The following RNF38 variants were observed in gnomAD, a reference collection of about 807,000 sequenced individuals.
RNF38 encodes ring finger protein 38.
A neutral mutation model predicts 67.2 loss-of-function variants in RNF38; 15 were observed. The observed-to-expected ratio is 0.22, with a 90% CI of 0.15 to 0.34. RNF38 has a LOEUF of 0.34. RNF38 is among the 10% of genes least tolerant of loss of function. RNF38 has a pLI of 1.00. For synonymous variants in RNF38, 220 were observed against 218.8 expected (o/e 1.01, Z -0.05); for missense variants, 524 against 639.9 (o/e 0.82, Z 1.95).
chr9:36,469,505 C>CA (rs1839946803), intron 1 of RNF38, among the ~76,000 whole-genome samples: 1 of 150,648 alleles, frequency 6.6e-6, no homozygotes, highest in African/African-American at 2.4e-5. Flanking sequence ...ACTAAAAATA[C>CA]AAAAAATTAG....
intron 1 of RNF38, among the ~76,000 whole-genome samples, chr9:36,479,269 G>A (rs1486401185): frequency 1.3e-5 from 2 of 152,204 alleles, no homozygotes; most frequent in African/African-American, 4.8e-5. Flanking sequence ...CATCCTCAGA[G>A]CACAAAGCTT....
chr9:36,383,734 G>A (rs1304891074), intron 2 of RNF38, among the ~76,000 whole-genome samples: 3 of 151,458 alleles, frequency 2.0e-5, no homozygotes, highest in East Asian at 3.9e-4. Context: ...GTTTTCAAAA[G>A]TTACCATGTT....
intron 2 of RNF38, among the ~76,000 whole-genome samples, chr9:36,388,347 A>C (rs1396500777): frequency 2.6e-5 from 4 of 152,146 alleles, no homozygotes; most frequent in Non-Finnish European, 1.5e-5. Context: ...TTAAACGAAA[A>C]CCCTGAATTT....
At chr9:36,362,651 C>T (rs1433203154) in intron 4 of RNF38, among the ~76,000 whole-genome samples, 1 of 151,830 alleles carries the variant, frequency 6.6e-6, no homozygotes, top group Non-Finnish European at 1.5e-5. Context: ...TTTCTGGTAA[C>T]CATTTTTTTT....
At chr9:36,451,235 A>C (rs1839430821) in intron 1 of RNF38, among the ~76,000 whole-genome samples, 1 of 151,854 alleles carries the variant, frequency 6.6e-6, no homozygotes, top group Admixed American at 6.6e-5. Context: ...AGGCCGAGGC[A>C]GGAGGATCAC....
chr9:36,347,851 T>TG (rs936699792), intron 9 of RNF38, among the ~76,000 whole-genome samples: 1 of 150,258 alleles, frequency 6.7e-6, no homozygotes, highest in Non-Finnish European at 1.5e-5. Context: ...GCTGAGCGGG[T>TG]GGATCATGAG....
chr9:36,387,318 T>C (rs1472416547), intron 2 of RNF38, among the ~76,000 whole-genome samples: 4 of 152,188 alleles, frequency 2.6e-5, no homozygotes, highest in African/African-American at 9.7e-5. Context: ...CCCTTTCTGT[T>C]AACAAATTTA....
chr9:36,443,588 C>T (rs1420503502), intron 1 of RNF38, among the ~76,000 whole-genome samples: 1 of 152,100 alleles, frequency 6.6e-6, no homozygotes, highest in Non-Finnish European at 1.5e-5. Flanking sequence ...TAGATAAAGA[C>T]TTAACTAACA....
chr9:36,347,203 TATG>T (rs1833317760), intron 9 of RNF38, among the ~76,000 whole-genome samples: 1 of 149,144 alleles, frequency 6.7e-6, no homozygotes, highest in Admixed American at 6.8e-5. Context: ...AGATAAAATT[TATG>T]ATATCATTGA....
At chr9:36,414,630 G>A (rs1383151037) in intron 2 of RNF38, among the ~76,000 whole-genome samples, 8 of 150,716 alleles carry the variant, frequency 5.3e-5, no homozygotes, top group Non-Finnish European at 8.8e-5. Flanking sequence ...AGGTTGTGGT[G>A]AGCCGGGATC....
chr9:36,436,514 C>T (rs192593733), intron 1 of RNF38, among the ~76,000 whole-genome samples: 22 of 152,146 alleles, frequency 1.4e-4, no homozygotes, highest in Admixed American at 6.5e-4. Context: ...AACTTACAGA[C>T]GCAATAGTAA....
At chr9:36,401,138 CTTT>C, upstream of RNF38, 39 of 985,158 alleles carry the variant, frequency 4.0e-5, no homozygotes, top group Non-Finnish European at 4.7e-5. Flanking sequence ...GCGCTCCTCC[CTTT>C]TCCCCCAGGC....
chr9:36,426,751 G>A (rs931098387), intron 1 of RNF38, among the ~76,000 whole-genome samples: 1 of 152,130 alleles, frequency 6.6e-6, no homozygotes. Flanking sequence ...GGCATTTTTT[G>A]AGTAGAATGA....
At chr9:36,418,042 T>G (rs1259898015) in intron 2 of RNF38, among the ~76,000 whole-genome samples, 1 of 150,012 alleles carries the variant, frequency 6.7e-6, no homozygotes, top group Admixed American at 6.7e-5. Flanking sequence ...TTACAATCAA[T>G]ATGTGATTTT....
At position 36,454,243 on chromosome 9, in the gene RNF38, C is replaced by T. The variant is rs370572161; in HGVS notation, n.242-29560G>A. ...GGTTCAAATGATTCTCCTGCCTCAG[C>T]CTCTGTTGTAACTGGGATTACAGGC... On this transcript the variant is annotated intron_variant and non_coding_transcript_variant, in intron 1 of 3. Coordinates refer to the RNF38 transcript ENST00000488058. 4.6e-5 allele frequency among the ~76,000 whole-genome samples: 7 copies of T among 152,056 alleles called. No individual in the cohort carries two copies. In the South Asian group the frequency reaches 1.5e-3, roughly 32 times the overall value.
intron 4 of RNF38, among the ~76,000 whole-genome samples, chr9:36,358,718 A>G (rs139288201): frequency 6.6e-6 from 1 of 152,286 alleles, no homozygotes; most frequent in East Asian, 1.9e-4. Flanking sequence ...AAAAAATATG[A>G]TATTAGTTTG....
At chr9:36,396,422 T>C (rs544936896) in intron 1 of RNF38, among the ~76,000 whole-genome samples, 33 of 152,270 alleles carry the variant, frequency 2.2e-4, no homozygotes, top group African/African-American at 6.3e-4. Context: ...TTTTTTTTTT[T>C]CCCTGTTCTG....
At chr9:36,487,480 C>T (rs940351589) in exon 1 of RNF38, 8 of 976,988 alleles carry the variant, frequency 8.2e-6, no homozygotes, top group African/African-American at 1.8e-5. Context: ...TGGGAGACGA[C>T]GACTGAGGCT....
At chr9:36,398,733 C>T (rs568036573) in intron 1 of RNF38, among the ~76,000 whole-genome samples, 3 of 152,242 alleles carry the variant, frequency 2.0e-5, no homozygotes, top group South Asian at 2.1e-4. Context: ...ACAAACACAA[C>T]GCAACAATCA....
Sources: gnomAD v4.1 joint callset for allele counts (sites outside exome capture counted in the v4.1 genomes callset) on GRCh38, gnomAD v4.1.1 for gene constraint, MANE v1.5 for transcripts, NCBI Gene and HGNC (gene_info 2026-07-23, HGNC 2026-07-21) for gene names.